Variants in ZC4H2 observed in about 807,000 individuals in gnomAD.
ZC4H2 encodes the protein zinc finger C4H2-type containing.
For missense variants in ZC4H2, 137 were observed against 173.9 expected, an observed-to-expected ratio of 0.79 and a Z score of 1.19; for synonymous variants, 84 against 66.3, an observed-to-expected ratio of 1.27 and a Z score of -1.30.
intron 1 of ZC4H2, among the ~76,000 whole-genome samples, chrX:64,950,666 G>A (rs1253193383): frequency 4.5e-5 from 5 of 110,757 alleles, no homozygotes; most frequent in Non-Finnish European, 9.4e-5. Flanking sequence ...GACTAGGATT[G>A]CAATCCCCAC....
At chrX:64,960,027 T>C (rs949044446) in intron 1 of ZC4H2, among the ~76,000 whole-genome samples, 1 of 110,957 alleles carries the variant, frequency 9.0e-6, no homozygotes, top group Admixed American at 9.6e-5. Flanking sequence ...CAAAATTATA[T>C]GAAAAAATAG....
intron 1 of ZC4H2, among the ~76,000 whole-genome samples, chrX:64,946,498 G>A (rs1273465211): frequency 5.5e-5 from 6 of 108,815 alleles, no homozygotes; most frequent in Admixed American, 9.9e-5. Flanking sequence ...CCCACCTCCT[G>A]CTTTGGTCTT....
At chrX:65,020,423 ATCC>A (rs2147291456) in intron 1 of ZC4H2, among the ~76,000 whole-genome samples, 1 of 112,013 alleles carries the variant, frequency 8.9e-6, no homozygotes, top group African/African-American at 3.2e-5. Flanking sequence ...AGAATTTCAT[ATCC>A]AGTCAAACTA....
At chrX:65,006,171 A>C (rs1443727739) in intron 1 of ZC4H2, among the ~76,000 whole-genome samples, 3 of 111,876 alleles carry the variant, frequency 2.7e-5, no homozygotes, top group African/African-American at 9.8e-5. Flanking sequence ...AGGATCTAGA[A>C]GCAGAAATAC....
chrX:64,919,963 C>T (rs1310871769), intron 3 of ZC4H2, 118 bp downstream of exon 3: 3 of 801,304 alleles, frequency 3.7e-6, no homozygotes, highest in Non-Finnish European at 5.1e-6. Flanking sequence ...AAACTAGGCA[C>T]TCTGACTTTC....
intron 1 of ZC4H2, among the ~76,000 whole-genome samples, chrX:64,959,060 A>T (rs1054697375): frequency 5.4e-5 from 6 of 111,129 alleles, no homozygotes; most frequent in African/African-American, 2.0e-4. Context: ...CTTTCTGGCC[A>T]ATTTTATGGA....
At chrX:64,989,903 C>T (rs1276398870) in intron 1 of ZC4H2, among the ~76,000 whole-genome samples, 3 of 111,590 alleles carry the variant, frequency 2.7e-5, no homozygotes, top group East Asian at 2.8e-4. Context: ...TACAGAGAAA[C>T]GGAGTCACTA....
In ZC4H2 at chrX:64,916,970, G is replaced by T. The variant is rs951592112; in HGVS notation, c.*813C>A. ...AAGCCAACACAGATGTCAGCCTGGG[G>T]GCACTCTCAGCCTAAGGAAGCCCCT... On this transcript the variant is annotated 3_prime_UTR_variant, in exon 5 of 5. Coordinates refer to ENST00000374839, the MANE Select transcript of ZC4H2 (RefSeq NM_018684.4). 8.9e-6 allele frequency: 1 copy of T among 112,303 alleles called. No homozygotes were observed. Among genetic ancestry groups the T allele is most frequent in the Non-Finnish European group, 1.9e-5 (1 of 53,252 alleles). The allele number at this position is 112,303 out of a possible 1,213,427, so 9.3% of individuals were successfully genotyped here.
At chrX:64,972,452 C>A (rs1307479696) in intron 1 of ZC4H2, among the ~76,000 whole-genome samples, 1 of 111,865 alleles carries the variant, frequency 8.9e-6, no homozygotes, top group Admixed American at 9.5e-5. Context: ...GTCCAGCAAA[C>A]ATTATTTCTT....
chrX:65,024,533 T>C (rs771887229), intron 1 of ZC4H2, among the ~76,000 whole-genome samples: 8 of 111,705 alleles, frequency 7.2e-5, no homozygotes, highest in Non-Finnish European at 1.5e-4. Context: ...CCTGGGTATA[T>C]ACCTAAAAGA....
At chrX:65,008,472 A>G (rs1401022301) in intron 1 of ZC4H2, among the ~76,000 whole-genome samples, 1 of 112,370 alleles carries the variant, frequency 8.9e-6, no homozygotes. Flanking sequence ...GTATACATCC[A>G]ATACAAAGGA....
chrX:65,017,899 T>C (rs1242016485), intron 1 of ZC4H2, among the ~76,000 whole-genome samples: 1 of 112,290 alleles, frequency 8.9e-6, no homozygotes. Flanking sequence ...ACTTCATCTG[T>C]ATGCCTGTCA....
At chrX:65,002,124 T>C (rs1161153801) in intron 1 of ZC4H2, among the ~76,000 whole-genome samples, 2 of 111,582 alleles carry the variant, frequency 1.8e-5, no homozygotes, top group Middle Eastern at 4.6e-3. Flanking sequence ...TCCACCCCAA[T>C]TCAACAGAAT....
At chrX:64,938,653 T>A (rs1463351850) in intron 1 of ZC4H2, among the ~76,000 whole-genome samples, 3 of 111,866 alleles carry the variant, frequency 2.7e-5, no homozygotes, top group African/African-American at 9.8e-5. Flanking sequence ...ATAAATGCAA[T>A]CCATCACATA....
upstream of ZC4H2, among the ~76,000 whole-genome samples, chrX:64,978,602 C>T (rs1431438040): frequency 1.8e-5 from 2 of 111,777 alleles, no homozygotes; most frequent in East Asian, 5.6e-4. Context: ...GTAGATTCAT[C>T]CCCTTTTAGA....
At chrX:64,942,035 G>A (rs887185759) in intron 1 of ZC4H2, among the ~76,000 whole-genome samples, 4 of 111,298 alleles carry the variant, frequency 3.6e-5, no homozygotes, top group African/African-American at 1.3e-4. Context: ...CTTTTTTTTG[G>A]TTGGTAGGCT....
At position 64,926,287 on chromosome X, in the gene ZC4H2, C is replaced by T. The variant is rs574293403; in HGVS notation, c.54-4299G>A. On this transcript the variant is annotated intron_variant, in intron 1 of 4. Coordinates refer to ENST00000374839, the MANE Select transcript of ZC4H2 (RefSeq NM_018684.4). ...TGGTCTACTCTTTATTACCACCATG[C>T]AATGGCAATCTCAAACAATGTCTAT... is the stretch of plus-strand genomic sequence containing the variant. Among the ~76,000 whole-genome samples, 3 of 112,105 alleles carry T rather than the reference C, an allele frequency of 2.7e-5. No homozygotes were observed. The East Asian group carries it at 8.4e-4, about 31-fold the overall frequency.
At chrX:64,947,670 A>C (rs371085140) in intron 1 of ZC4H2, among the ~76,000 whole-genome samples, 1 of 111,985 alleles carries the variant, frequency 8.9e-6, no homozygotes, top group East Asian at 2.8e-4. Flanking sequence ...CAAGACTGAA[A>C]ACCTAATTTA....
At chrX:64,957,515 CTA>C (rs755669656) in intron 1 of ZC4H2, among the ~76,000 whole-genome samples, 2 of 111,488 alleles carry the variant, frequency 1.8e-5, no homozygotes, top group South Asian at 3.7e-4. Context: ...AGCGTTTTTT[CTA>C]TGTTTGTATT....
Sources: allele counts gnomAD v4.1 joint callset (sites outside exome capture counted in the v4.1 genomes callset), GRCh38; gene constraint gnomAD v4.1.1; transcripts MANE v1.5; gene names NCBI Gene and HGNC (gene_info 2026-07-23, HGNC 2026-07-21).